Variants in TTC3 observed in about 807,000 individuals in gnomAD.
TTC3 encodes the protein tetratricopeptide repeat domain 3.
A neutral mutation model predicts 249.6 loss-of-function variants in TTC3; 180 were observed. The ratio of observed to expected loss-of-function variants is 0.72; its 90% CI spans 0.64 to 0.82. The LOEUF (loss-of-function observed/expected upper bound fraction) is 0.82. Among genes scored for constraint, TTC3 ranks in the 40% least tolerant of loss-of-function variants. The probability of loss-of-function intolerance (pLI) is 0.00; values close to 1 mark genes in which losing one functional copy is unlikely to be tolerated. For synonymous variants in TTC3, 717 were observed against 805.0 expected (o/e 0.89, Z 1.85); for missense variants, 2,061 against 2,398.4 (o/e 0.86, Z 2.94).
At chr21:37,146,114 G>T (rs1307574814) in intron 21 of TTC3, among the ~76,000 whole-genome samples, 1 of 152,222 alleles carries the variant, frequency 6.6e-6, no homozygotes, top group Non-Finnish European at 1.5e-5. Flanking sequence ...ATGGGAAATA[G>T]CCCAAGTATT....
chr21:37,140,637 A>G (rs1428412183), exon 20 of TTC3: 2 of 1,609,492 alleles, frequency 1.2e-6, no homozygotes, highest in East Asian at 2.2e-5. Context: ...TGCTTGGCCT[A>G]CTGTGGAATT....
intron 11 of TTC3, among the ~76,000 whole-genome samples, chr21:37,115,511 A>T (rs2076070509): frequency 6.6e-6 from 1 of 152,198 alleles, no homozygotes; most frequent in South Asian, 2.1e-4. Context: ...GTGCTCTAGA[A>T]AATTTCTTGC....
chr21:37,200,370 C>T, intron 45 of TTC3, 46 bp downstream of exon 45: 1 of 1,536,722 alleles, frequency 6.5e-7, no homozygotes, highest in Non-Finnish European at 8.9e-7. Context: ...TTGGGACCTT[C>T]AAATATTTTC....
At chr21:37,157,085 T>C (rs1423066890) in intron 28 of TTC3, 179 bp downstream of exon 28, 39 of 1,370,794 alleles carry the variant, frequency 2.8e-5, no homozygotes, top group Non-Finnish European at 3.9e-5. Flanking sequence ...ATGAAGCTTT[T>C]TTACTTTATC....
At chr21:37,134,645 T>C (rs1430255031) in intron 17 of TTC3, among the ~76,000 whole-genome samples, 1 of 152,202 alleles carries the variant, frequency 6.6e-6, no homozygotes, top group Non-Finnish European at 1.5e-5. Flanking sequence ...TTAGGCTTAA[T>C]GTCTAGCCTT....
chr21:37,080,073 AT>A (rs569514490), intron 1 of TTC3, among the ~76,000 whole-genome samples: 5 of 151,390 alleles, frequency 3.3e-5, no homozygotes, highest in African/African-American at 9.7e-5. Context: ...TTATTTTACT[AT>A]TTTTTTCACT....
intron 40 of TTC3, among the ~76,000 whole-genome samples, 174 bp downstream of exon 40, chr21:37,191,598 G>T (rs1436732050): frequency 6.6e-6 from 1 of 151,982 alleles, no homozygotes; most frequent in Non-Finnish European, 1.5e-5. Context: ...GTTTTTTTGA[G>T]TTGGAGTTTC....
chr21:37,175,597 C>CAAAAAA (rs1175943574), intron 35 of TTC3, among the ~76,000 whole-genome samples: 1 of 42,866 alleles, frequency 2.3e-5, no homozygotes, highest in South Asian at 8.4e-4. Context: ...GACTCCATCT[C>CAAAAAA]AAAAAAAAAA....
At chr21:37,117,982 C>G (rs2076294145) in intron 11 of TTC3, among the ~76,000 whole-genome samples, 2 of 151,708 alleles carry the variant, frequency 1.3e-5, no homozygotes, top group Admixed American at 1.3e-4. Context: ...TCCAAACATC[C>G]CTTCTCAGGG....
intron 11 of TTC3, among the ~76,000 whole-genome samples, chr21:37,116,137 CACTT>C (rs1190449512): frequency 2.0e-5 from 3 of 152,194 alleles, no homozygotes; most frequent in Admixed American, 6.5e-5. Context: ...AGCTGCCTGA[CACTT>C]ACTTAGCAGG....
chr21:37,197,282 T>TA (rs1013631482), intron 42 of TTC3, among the ~76,000 whole-genome samples: 20 of 149,446 alleles, frequency 1.3e-4, no homozygotes, highest in South Asian at 2.1e-4. Context: ...CATCTCTTCT[T>TA]AAAAAAAAAT....
At chr21:37,193,211 C>T (rs2084403834) in intron 41 of TTC3, among the ~76,000 whole-genome samples, 1 of 111,908 alleles carries the variant, frequency 8.9e-6, no homozygotes, top group East Asian at 2.7e-4. Context: ...CGCTCTGCAT[C>T]CTGCCTTCCC....
Position 37,099,009 on chromosome 21 carries a change from A to G in TTC3, c.845+2366A>G, listed in dbSNP as rs1471257171. 2.6e-5 allele frequency: 4 copies of G among 152,334 alleles called. No homozygotes were observed. In the East Asian group the frequency reaches 7.7e-4, roughly 29 times the overall value. The allele number at this position is 152,334 out of a possible 1,614,324, so 9.4% of individuals were successfully genotyped here. A position where few individuals can be genotyped will look rare whatever the true frequency, so the allele number is the denominator to read the frequency against. ...AGGATGCACTCCTCAGCTGTTCTGG[A>G]AGGCCAGACTTCTTATCTGCTGTCA... is the stretch of plus-strand genomic sequence containing the variant. On this transcript the variant is annotated intron_variant, in intron 10 of 45. Coordinates refer to ENST00000355666, the Ensembl canonical transcript of TTC3.
chr21:37,076,602 A>G (rs541414707), intron 1 of TTC3, among the ~76,000 whole-genome samples: 1 of 151,192 alleles, frequency 6.6e-6, no homozygotes, highest in South Asian at 2.1e-4. Context: ...CTAACATTGC[A>G]CTTTACATAA....
intron 1 of TTC3, among the ~76,000 whole-genome samples, chr21:37,085,063 A>G (rs7348993): frequency 0.037 from 5,689 of 152,274 alleles, 322 homozygotes; most frequent in African/African-American, 0.13. Context: ...TTACAGTACA[A>G]TTGGTGCTGT....
intron 27 of TTC3, among the ~76,000 whole-genome samples, chr21:37,155,190 A>AT (rs928308574): frequency 6.7e-3 from 1 of 150 alleles, no homozygotes; most frequent in Non-Finnish European, 0.011. Context: ...ATTTCCTGGA[A>AT]TTTTCTTCAA....
chr21:37,102,690 T>G (rs907668230), intron 10 of TTC3, among the ~76,000 whole-genome samples: 2 of 152,182 alleles, frequency 1.3e-5, no homozygotes, highest in Non-Finnish European at 2.9e-5. Flanking sequence ...AAAGGGAATC[T>G]GGTGTTTTAG....
intron 10 of TTC3, 49 bp downstream of exon 10, chr21:37,096,692 C>T (rs2073978688): frequency 4.3e-6 from 6 of 1,407,578 alleles, no homozygotes; most frequent in East Asian, 4.6e-5. Context: ...GCTAAATACC[C>T]ATTTTTGGGA....
intron 38 of TTC3, chr21:37,187,897 G>C (rs765846485): frequency 6.6e-6 from 1 of 152,162 alleles, no homozygotes; most frequent in Non-Finnish European, 1.5e-5. Context: ...TCACACCACC[G>C]TTTGGTAAGC....
Sources: gnomAD v4.1 joint callset for allele counts (sites outside exome capture counted in the v4.1 genomes callset) on GRCh38, gnomAD v4.1.1 for gene constraint, MANE v1.5 for transcripts, NCBI Gene and HGNC (gene_info 2026-07-23, HGNC 2026-07-21) for gene names.